Variants in PARD3B observed in about 807,000 individuals in gnomAD.
PARD3B encodes partitioning defective 3 homolog B.
In PARD3B, 103 loss-of-function variants were observed where a neutral mutation model predicts 130.2. The ratio of observed to expected loss-of-function variants is 0.79; its 90% CI spans 0.67 to 0.93. PARD3B has a LOEUF of 0.93. Among genes scored for constraint, PARD3B ranks in the 40% least tolerant of loss-of-function variants. The pLI is 0.00. For missense variants in PARD3B, 1,609 were observed against 1,499.2 expected, an observed-to-expected ratio of 1.07 and a Z score of -1.21; for synonymous variants, 583 against 553.2, an observed-to-expected ratio of 1.05 and a Z score of -0.76.
chr2:205,369,606 GA>G (rs1383535675), intron 18 of PARD3B, among the ~76,000 whole-genome samples: 4 of 152,194 alleles, frequency 2.6e-5, no homozygotes, highest in Non-Finnish European at 4.4e-5. Flanking sequence ...TAGAGTTAAA[GA>G]AAAATTTCTT....
At chr2:205,315,561 A>C (rs570595314) in intron 18 of PARD3B, among the ~76,000 whole-genome samples, 1 of 152,220 alleles carries the variant, frequency 6.6e-6, no homozygotes, top group South Asian at 2.1e-4. Flanking sequence ...ATCGCTGATG[A>C]TTGTAATGCA....
At chr2:204,988,123 C>CA (rs904174293) in intron 3 of PARD3B, among the ~76,000 whole-genome samples, 3 of 151,932 alleles carry the variant, frequency 2.0e-5, no homozygotes, top group African/African-American at 7.2e-5. Context: ...AAAGCTGAGA[C>CA]AAAAAGGAGA....
intron 16 of PARD3B, among the ~76,000 whole-genome samples, chr2:205,271,951 A>C (rs2040744719): frequency 6.6e-6 from 1 of 152,122 alleles, no homozygotes. Flanking sequence ...TGAGGTCAGG[A>C]ATTTGAGACC....
intron 16 of PARD3B, among the ~76,000 whole-genome samples, chr2:205,271,858 G>A (rs980280685): frequency 6.6e-6 from 1 of 152,118 alleles, no homozygotes; most frequent in Admixed American, 6.5e-5. Flanking sequence ...TTTATACCAA[G>A]ATTAGTGAAA....
intron 3 of PARD3B, among the ~76,000 whole-genome samples, chr2:205,023,613 C>T (rs1696797721): frequency 6.8e-6 from 1 of 146,468 alleles, no homozygotes; most frequent in South Asian, 2.2e-4. Context: ...CCCAAGGACC[C>T]TAATTACAGA....
intron 3 of PARD3B, among the ~76,000 whole-genome samples, chr2:205,022,669 TG>T (rs762033723): frequency 1.9e-4 from 29 of 152,338 alleles, no homozygotes; most frequent in Non-Finnish European, 1.5e-4. Flanking sequence ...GTGTTTTGCC[TG>T]CAGCTGATCT....
intron 2 of PARD3B, among the ~76,000 whole-genome samples, chr2:204,873,111 A>G (rs922364377): frequency 2.6e-5 from 4 of 152,238 alleles, no homozygotes; most frequent in African/African-American, 9.6e-5. Flanking sequence ...TAACAGATAC[A>G]TAGATAGAGG....
intron 2 of PARD3B, among the ~76,000 whole-genome samples, chr2:204,935,408 G>A (rs1392495762): frequency 6.6e-6 from 1 of 150,680 alleles, no homozygotes; most frequent in Non-Finnish European, 1.5e-5. Context: ...GCATGGTGAC[G>A]GGCGCCTGTA....
rs1422839356 is a variant in PARD3B, at chr2:205,591,228, T to C, written c.3261-24228T>C. On this transcript the variant is annotated intron_variant, in intron 22 of 22. Coordinates refer to ENST00000406610, the MANE Select transcript of PARD3B (RefSeq NM_001302769.2). The surrounding 1 kb of genome is among the most constrained non-coding windows in gnomAD (Gnocchi z 4.2). Reference sequence around the variant, plus strand: ...TGTTTAGAGAGAGTGTACATTTTAGTGTATTTTGTATAAGTTTTTTCAATG... The same window carrying C: ...TGTTTAGAGAGAGTGTACATTTTAGCGTATTTTGTATAAGTTTTTTCAATG... 6.6e-6 allele frequency among the ~76,000 whole-genome samples: 1 copy of C among 152,106 alleles called. No homozygotes were observed. Among genetic ancestry groups the C allele is most frequent in the Non-Finnish European group, 1.5e-5 (1 of 68,028 alleles).
At chr2:204,793,749 CA>C (rs2042274521) in intron 2 of PARD3B, among the ~76,000 whole-genome samples, 1 of 152,052 alleles carries the variant, frequency 6.6e-6, no homozygotes, top group Non-Finnish European at 1.5e-5. Context: ...CTTCATGATC[CA>C]CCCACTTCGG....
chr2:205,492,788 A>G (rs767383395), intron 20 of PARD3B, among the ~76,000 whole-genome samples: 1 of 152,196 alleles, frequency 6.6e-6, no homozygotes, highest in African/African-American at 2.4e-5. Context: ...GAAGAATGCT[A>G]TGGAATTAAG....
At chr2:204,695,595 G>A (rs2037573638) in intron 2 of PARD3B, among the ~76,000 whole-genome samples, 2 of 152,070 alleles carry the variant, frequency 1.3e-5, no homozygotes, top group African/African-American at 4.8e-5. Flanking sequence ...GCTTTTAGGA[G>A]GAGGATCAAA....
At chr2:204,899,975 C>T (rs191941763) in intron 2 of PARD3B, among the ~76,000 whole-genome samples, 1 of 152,136 alleles carries the variant, frequency 6.6e-6, no homozygotes, top group African/African-American at 2.4e-5. Context: ...GAGAAGTCTA[C>T]TGCCAGACCT....
chr2:205,122,844 A>G lies in PARD3B; in HGVS notation c.1165+895A>G, dbSNP rs1575854567. Among the ~76,000 whole-genome samples the G allele has an allele frequency of 2.6e-5, 4 of 152,240 alleles. No homozygotes were observed. The highest frequency in any genetic ancestry group is 2.6e-4 in the Admixed American group (4 of 15,280). On this transcript the variant is annotated intron_variant, in intron 8 of 22. Coordinates refer to ENST00000406610, the MANE Select transcript of PARD3B (RefSeq NM_001302769.2). This position sits in a 1 kb window ranked among gnomAD's most constrained non-coding sequence, Gnocchi z 4.3. ...GATCAAAATTTCATTCACCTATAAG[A>G]ATTCTATTCTGGGAATAAAATACAT... is the stretch of plus-strand genomic sequence containing the variant.
chr2:204,935,996 CTAAG>C (rs1273486213), intron 2 of PARD3B, among the ~76,000 whole-genome samples: 1 of 152,178 alleles, frequency 6.6e-6, no homozygotes, highest in Non-Finnish European at 1.5e-5. Flanking sequence ...TGGGAAGGCC[CTAAG>C]TGTCTATAAA....
chr2:205,203,042 A>C, intron 15 of PARD3B, among the ~76,000 whole-genome samples: 1 of 152,170 alleles, frequency 6.6e-6, no homozygotes, highest in Admixed American at 6.6e-5. Context: ...AGCTGGGGGC[A>C]TGTTTAATGG....
chr2:205,227,361 A>G (rs186280425), intron 15 of PARD3B, among the ~76,000 whole-genome samples: 42 of 152,236 alleles, frequency 2.8e-4, no homozygotes, highest in African/African-American at 9.4e-4. Context: ...TGGGTGTTCC[A>G]GTGTTGGATG....
chr2:204,571,455 T>G (rs1356493362), intron 1 of PARD3B, among the ~76,000 whole-genome samples: 2 of 152,222 alleles, frequency 1.3e-5, no homozygotes, highest in Non-Finnish European at 2.9e-5. Flanking sequence ...TGAAGTATGA[T>G]GAATAGATAA....
intron 2 of PARD3B, among the ~76,000 whole-genome samples, chr2:204,931,042 A>T (rs567214753): frequency 1.3e-5 from 2 of 152,264 alleles, no homozygotes; most frequent in South Asian, 4.1e-4. Context: ...TCTTTGACTG[A>T]AAGCAGTTCC....
Sources: allele counts gnomAD v4.1 joint callset (sites outside exome capture counted in the v4.1 genomes callset), GRCh38; gene constraint gnomAD v4.1.1; non-coding constraint Gnocchi (gnomAD v3.1); transcripts MANE v1.5; gene names NCBI Gene and HGNC (gene_info 2026-07-23, HGNC 2026-07-21).